Variants in SENP5 observed in about 807,000 individuals in gnomAD.
The protein encoded by SENP5 is sentrin-specific protease 5.
Under a neutral mutation model 74.2 loss-of-function variants are expected in SENP5, and 21 were observed. The observed-to-expected ratio is 0.28, with a 90% confidence interval of 0.20 to 0.41. The LOEUF is 0.41. Among genes scored for constraint, SENP5 ranks in the 10% least tolerant of loss-of-function variants. SENP5 has a pLI of 1.00. For missense variants in SENP5, 717 were observed against 889.1 expected, an observed-to-expected ratio of 0.81 and a Z score of 2.46; for synonymous variants, 311 against 312.7, an observed-to-expected ratio of 0.99 and a Z score of 0.06.
At chr3:196,881,271 T>C (rs1713715527) in intron 1 of SENP5, among the ~76,000 whole-genome samples, 1 of 152,232 alleles carries the variant, frequency 6.6e-6, no homozygotes, top group East Asian at 1.9e-4. Context: ...TTTGCTATTA[T>C]AAACAATGCT....
At position 196,880,546 on chromosome 3, in the gene SENP5, G is replaced by A. The variant is rs141849476; in HGVS notation, c.-31-4605G>A. On this transcript the variant is annotated intron_variant, in intron 1 of 9. Coordinates refer to ENST00000323460, the MANE Select transcript of SENP5 (RefSeq NM_152699.5). ...CAGGATTATACCTTGTTTAATTGTC[G>A]TCTCCTTAATCTCAGTCTTTCATTC... 4.6e-5 allele frequency among the ~76,000 whole-genome samples: 7 copies of A among 151,668 alleles called. No individual in the cohort carries two copies. In the South Asian group the frequency reaches 6.2e-4, roughly 14 times the overall value.
At chr3:196,884,087 A>G (rs890864124) in intron 1 of SENP5, among the ~76,000 whole-genome samples, 1 of 152,246 alleles carries the variant, frequency 6.6e-6, no homozygotes, top group African/African-American at 2.4e-5. Flanking sequence ...TAATTTGCTC[A>G]TAGCAAAATA....
chr3:196,891,788 C>A (rs909740191), intron 2 of SENP5, among the ~76,000 whole-genome samples: 1 of 152,048 alleles, frequency 6.6e-6, no homozygotes, highest in Non-Finnish European at 1.5e-5. Context: ...GACAGCAAGA[C>A]CTTGTCTCTC....
chr3:196,888,663 CAT>C (rs1402069027), intron 2 of SENP5, among the ~76,000 whole-genome samples: 5 of 151,744 alleles, frequency 3.3e-5, no homozygotes, highest in African/African-American at 9.7e-5. Flanking sequence ...ATATATATGA[CAT>C]ATGTAGGATG....
At chr3:196,929,989 A>T (rs1408312014) in intron 9 of SENP5, among the ~76,000 whole-genome samples, 5 of 115,602 alleles carry the variant, frequency 4.3e-5, no homozygotes, top group Admixed American at 8.2e-5. Context: ...CATTTGCATA[A>T]AAAAAAAAAA....
chr3:196,876,325 T>C lies in SENP5; in HGVS notation c.-32+8252T>C, dbSNP rs143824539. Among the ~76,000 whole-genome samples, 779 of 152,040 alleles carry C rather than the reference T, an allele frequency of 5.1e-3. 5 individuals are homozygous for C. The highest frequency in any genetic ancestry group is 0.017 in the African/African-American group (704 of 41,522). ...GATCATGAGGTCAAGAGATCGAGACTATCCTTGCTAACACAGTGAAACCCC... is the reference window on the plus strand; with the variant it reads ...GATCATGAGGTCAAGAGATCGAGACCATCCTTGCTAACACAGTGAAACCCC... On this transcript the variant is annotated intron_variant, in intron 1 of 9. Transcript: ENST00000323460.
At chr3:196,871,737 C>A (rs1560136039) in intron 1 of SENP5, among the ~76,000 whole-genome samples, 1 of 151,750 alleles carries the variant, frequency 6.6e-6, no homozygotes, top group Non-Finnish European at 1.5e-5. Context: ...CACTCGTACT[C>A]CTAGCTACTC....
At chr3:196,875,410 A>G (rs1713413800) in intron 1 of SENP5, among the ~76,000 whole-genome samples, 1 of 152,176 alleles carries the variant, frequency 6.6e-6, no homozygotes, top group Non-Finnish European at 1.5e-5. Context: ...CATTGCAGGT[A>G]GAATGATTTT....
At chr3:196,907,475 T>C (rs1370789310) in intron 6 of SENP5, among the ~76,000 whole-genome samples, 1 of 145,972 alleles carries the variant, frequency 6.9e-6, no homozygotes, top group East Asian at 2.0e-4. Flanking sequence ...AAAAAGATAA[T>C]GGAAGATGCT....
At chr3:196,909,697 G>A (rs1022370950) in intron 6 of SENP5, among the ~76,000 whole-genome samples, 1 of 152,240 alleles carries the variant, frequency 6.6e-6, no homozygotes, top group South Asian at 2.1e-4. Context: ...AAAGACCTTC[G>A]ATAAAATTCA....
chr3:196,931,111 A>T lies in SENP5; in HGVS notation c.*188A>T, dbSNP rs969312330. ...TACCATGTACTATTGTTTAATGTTC[A>T]GTTTGGTTTCATTTTTAATTTTATG... is the stretch of plus-strand genomic sequence containing the variant. On this transcript the variant is annotated 3_prime_UTR_variant, in exon 10 of 10. Transcript: ENST00000323460. The T allele has an allele frequency of 3.6e-6, 2 of 559,036 alleles. No individual in the cohort carries two copies. The highest frequency in any genetic ancestry group is 1.9e-5 in the African/African-American group (1 of 52,864). The allele number at this position is 559,036 out of a possible 1,614,324, so 34.6% of individuals were successfully genotyped here.
chr3:196,917,404 CAGAT>C (rs778014250), intron 6 of SENP5, among the ~76,000 whole-genome samples: 27 of 152,114 alleles, frequency 1.8e-4, no homozygotes, highest in African/African-American at 3.1e-4. Context: ...AAACTTCACT[CAGAT>C]AGTAACAGAA....
chr3:196,925,624 G>A (rs1230778131), intron 7 of SENP5, among the ~76,000 whole-genome samples: 5 of 152,212 alleles, frequency 3.3e-5, no homozygotes, highest in African/African-American at 1.2e-4. Flanking sequence ...TAGGGAGTCA[G>A]GTAGGGGCCA....
intron 1 of SENP5, among the ~76,000 whole-genome samples, chr3:196,875,412 AATG>A (rs1713414264): frequency 6.6e-6 from 1 of 152,132 alleles, no homozygotes; most frequent in South Asian, 2.1e-4. Flanking sequence ...TTGCAGGTAG[AATG>A]ATTTTTTTCA....
chr3:196,876,191 A>C (rs1022901733), intron 1 of SENP5, among the ~76,000 whole-genome samples: 6 of 152,186 alleles, frequency 3.9e-5, no homozygotes, highest in African/African-American at 1.4e-4. Flanking sequence ...TATATTTTTT[A>C]CATGTCCCTA....
chr3:196,887,496 A>G (rs1035747720), intron 2 of SENP5, among the ~76,000 whole-genome samples: 1 of 149,476 alleles, frequency 6.7e-6, no homozygotes, highest in African/African-American at 2.5e-5. Context: ...CCTATTTTTC[A>G]ACTGGATTGT....
chr3:196,902,691 G>A (rs114266340), intron 5 of SENP5, among the ~76,000 whole-genome samples: 52 of 152,310 alleles, frequency 3.4e-4, no homozygotes, highest in African/African-American at 1.1e-3. Context: ...AGCACTTTAA[G>A]ATCACAATAT....
chr3:196,918,107 CCATCCTGGCTAA>C (rs1320176903), intron 6 of SENP5, among the ~76,000 whole-genome samples: 2 of 149,030 alleles, frequency 1.3e-5, no homozygotes, highest in Admixed American at 6.7e-5. Flanking sequence ...CAGATCGAGA[CCATCCTGGCTAA>C]CACGGTGAAA....
At chr3:196,872,181 A>G (rs1713245353) in intron 1 of SENP5, among the ~76,000 whole-genome samples, 1 of 152,192 alleles carries the variant, frequency 6.6e-6, no homozygotes, top group African/African-American at 2.4e-5. Flanking sequence ...AGTATCTAGT[A>G]AGAGTGTAAA....
Sources: allele counts gnomAD v4.1 joint callset (sites outside exome capture counted in the v4.1 genomes callset), GRCh38; gene constraint gnomAD v4.1.1; transcripts MANE v1.5; gene names NCBI Gene and HGNC (gene_info 2026-07-23, HGNC 2026-07-21).